Variants in KCNIP4 observed in about 807,000 individuals in gnomAD.
KCNIP4 encodes potassium voltage-gated channel interacting protein 4.
In KCNIP4, 12 loss-of-function variants were observed where a neutral mutation model predicts 34.0. The ratio of observed to expected loss-of-function variants is 0.35; its 90% CI spans 0.23 to 0.57. The LOEUF (loss-of-function observed/expected upper bound fraction) is 0.57, where lower values mean the gene tolerates loss of function less well. KCNIP4 is among the 20% of genes least tolerant of loss of function. KCNIP4 has a pLI of 0.83. For synonymous variants in KCNIP4, 124 were observed against 102.2 expected (o/e 1.21, Z -1.29); for missense variants, 238 against 311.7 (o/e 0.76, Z 1.78).
chr4:20,983,700 AT>A, intron 1 of KCNIP4: 1 of 803,072 alleles, frequency 1.2e-6, no homozygotes, highest in Non-Finnish European at 2.0e-6. Flanking sequence ...TATGCCAAAC[AT>A]GCATATTTTA....
chr4:21,883,349 T>C (rs1489880162), intron 1 of KCNIP4, among the ~76,000 whole-genome samples: 1 of 151,982 alleles, frequency 6.6e-6, no homozygotes, highest in East Asian at 1.9e-4. Context: ...GAGCGCTTAC[T>C]AGTTGCCCAA....
chr4:20,729,320 ATAC>A lies in KCNIP4; in HGVS notation c.*759_*761del, dbSNP rs1340981492. On this transcript the variant is annotated 3_prime_UTR_variant, in exon 9 of 9. Transcript: ENST00000382152. ...TTCTTCAACTTCCACTTAATGATTG[ATAC>A]TAATGATTGATACAATAGAAAACAG... is the stretch of plus-strand genomic sequence containing the variant. 1 of 152,248 alleles carries A rather than the reference ATAC, an allele frequency of 6.6e-6. No homozygotes were observed. The highest frequency in any genetic ancestry group is 1.5e-5 in the Non-Finnish European group (1 of 67,980). 9.4% of individuals were successfully genotyped at this position (152,248 alleles called of 1,614,324 possible). A position where few individuals can be genotyped will look rare whatever the true frequency, so the allele number is the denominator to read the frequency against.
At chr4:21,000,450 C>T (rs1349972752) in intron 1 of KCNIP4, among the ~76,000 whole-genome samples, 4 of 151,850 alleles carry the variant, frequency 2.6e-5, no homozygotes, top group East Asian at 1.9e-4. Context: ...TTTGGGAGGC[C>T]GAGGCAGGCA....
chr4:20,924,470 T>C (rs982680521), intron 1 of KCNIP4, among the ~76,000 whole-genome samples: 10 of 152,226 alleles, frequency 6.6e-5, no homozygotes, highest in African/African-American at 1.9e-4. Flanking sequence ...ATATTTTTAA[T>C]AGAGTCTATT....
At chr4:21,819,981 A>G (rs1722229682) in intron 1 of KCNIP4, among the ~76,000 whole-genome samples, 1 of 152,066 alleles carries the variant, frequency 6.6e-6, no homozygotes, top group Non-Finnish European at 1.5e-5. Context: ...AAGTGGCAAG[A>G]TATTTAATTT....
At chr4:21,905,897 T>C (rs1248014251) in intron 1 of KCNIP4, among the ~76,000 whole-genome samples, 1 of 152,108 alleles carries the variant, frequency 6.6e-6, no homozygotes. Flanking sequence ...GAGTGTGACA[T>C]TAGTAGTGAG....
chr4:20,731,466 G>A (rs1748187051), intron 8 of KCNIP4: 1 of 984,972 alleles, frequency 1.0e-6, no homozygotes, highest in African/African-American at 1.7e-5. Flanking sequence ...GCTACTACCT[G>A]GAGTTCTCTT....
At chr4:21,511,119 C>G (rs1734281173) in intron 1 of KCNIP4, among the ~76,000 whole-genome samples, 1 of 152,056 alleles carries the variant, frequency 6.6e-6, no homozygotes, top group Admixed American at 6.6e-5. Context: ...AAGTATAATT[C>G]ATACTCTTCT....
At chr4:21,529,548 T>TA (rs1348002829) in intron 1 of KCNIP4, among the ~76,000 whole-genome samples, 4 of 152,206 alleles carry the variant, frequency 2.6e-5, no homozygotes, top group East Asian at 1.9e-4. Context: ...TAGTTTTTTT[T>TA]ATCTTCTTTT....
rs979718682 is a variant in KCNIP4, at chr4:21,158,183, A to G, written c.62-275474T>C. On this transcript the variant is annotated intron_variant, in intron 1 of 8. Transcript: ENST00000382152. ...ACAGTTAAAAAATTTCTCACAAGGA[A>G]TGTTCTAGGCCCAGATGGTTTTGCC... 6.0e-4 allele frequency among the ~76,000 whole-genome samples: 92 copies of G among 152,274 alleles called. 1 individual carries two copies. The highest frequency in any genetic ancestry group is 2.1e-3 in the African/African-American group (88 of 41,572).
intron 2 of KCNIP4, among the ~76,000 whole-genome samples, chr4:20,857,759 G>C (rs867280989): frequency 6.6e-6 from 1 of 152,010 alleles, no homozygotes; most frequent in African/African-American, 2.4e-5. Flanking sequence ...AAACTCCTCA[G>C]AAAAGTTAAC....
At chr4:20,805,034 T>A (rs1031204660) in intron 3 of KCNIP4, among the ~76,000 whole-genome samples, 1 of 152,180 alleles carries the variant, frequency 6.6e-6, no homozygotes, top group Middle Eastern at 3.4e-3. Flanking sequence ...CTGATTTGGG[T>A]CTGTATCCCA....
intron 1 of KCNIP4, among the ~76,000 whole-genome samples, chr4:21,631,104 T>C (rs1272660400): frequency 6.6e-6 from 1 of 152,226 alleles, no homozygotes; most frequent in East Asian, 1.9e-4. Context: ...GCTTCTCTTG[T>C]TGCTCACAAG....
chr4:21,263,830 T>G (rs1336829714), intron 1 of KCNIP4, among the ~76,000 whole-genome samples: 1 of 151,898 alleles, frequency 6.6e-6, no homozygotes, highest in African/African-American at 2.4e-5. Flanking sequence ...TAATTAAATT[T>G]TTTTTCTTTT....
At chr4:21,832,444 T>C (rs536721194) in intron 1 of KCNIP4, among the ~76,000 whole-genome samples, 2 of 152,190 alleles carry the variant, frequency 1.3e-5, no homozygotes, top group Non-Finnish European at 1.5e-5. Flanking sequence ...TATGGAAAGA[T>C]GGTGAGCTGT....
chr4:21,612,213 T>A lies in KCNIP4; in HGVS notation c.61+336358A>T, dbSNP rs116747942. Among the ~76,000 whole-genome samples, 483 of 152,330 alleles carry A rather than the reference T, an allele frequency of 3.2e-3. 3 individuals are homozygous for A. Among genetic ancestry groups the A allele is most frequent in the African/African-American group, 0.011 (460 of 41,572 alleles). ...TTTAGGCTGAAATTGGTTGTCAGAA[T>A]ACAGCATCACTGAAATATTATGTGC... On this transcript the variant is annotated intron_variant, in intron 1 of 8. Transcript: ENST00000382152.
intron 1 of KCNIP4, among the ~76,000 whole-genome samples, chr4:20,985,783 G>C (rs1736513707): frequency 6.6e-6 from 1 of 152,168 alleles, no homozygotes; most frequent in African/African-American, 2.4e-5. Flanking sequence ...AATTGGGAAA[G>C]GGTTTAGTGG....
At chr4:21,825,815 CAA>C (rs530068202) in intron 1 of KCNIP4, among the ~76,000 whole-genome samples, 243 of 152,198 alleles carry the variant, frequency 1.6e-3, no homozygotes, top group African/African-American at 5.4e-3. Flanking sequence ...GCAGGAAAAA[CAA>C]GACGGTTTCA....
intron 1 of KCNIP4, among the ~76,000 whole-genome samples, chr4:20,885,385 A>G (rs1231655299): frequency 6.6e-6 from 1 of 152,228 alleles, no homozygotes; most frequent in Non-Finnish European, 1.5e-5. Flanking sequence ...CATTTCTGAC[A>G]ATGAATGGCT....
Sources: allele counts gnomAD v4.1 joint callset (sites outside exome capture counted in the v4.1 genomes callset), GRCh38; gene constraint gnomAD v4.1.1; transcripts MANE v1.5; gene names NCBI Gene and HGNC (gene_info 2026-07-23, HGNC 2026-07-21).